Variants in OSBP2 observed in about 807,000 individuals in gnomAD.
The protein encoded by OSBP2 is oxysterol-binding protein 2.
In OSBP2, 66 loss-of-function variants were observed where a neutral mutation model predicts 96.0. The observed-to-expected ratio is 0.69, with a 90% CI of 0.56 to 0.84. OSBP2 has a LOEUF of 0.84. OSBP2 is among the 40% of genes least tolerant of loss of function. The pLI is 0.00. For missense variants in OSBP2, 1,038 were observed against 1,222.7 expected (o/e 0.85, Z 2.25); for synonymous variants, 525 against 520.9 (o/e 1.01, Z -0.11).
chr22:30,749,975 C>G lies in OSBP2; in HGVS notation c.853+8606C>G, dbSNP rs1002662428. On this transcript the variant is annotated intron_variant, in intron 2 of 13. Transcript: ENST00000332585. ...GCAGTGAGACTGATTTCTGCTTGGT[C>G]AAGAACAGAGCACACTAGGAGAGGG... Among the ~76,000 whole-genome samples, 3 of 152,254 alleles carry G rather than the reference C, an allele frequency of 2.0e-5. 1 individual carries two copies. Among genetic ancestry groups the G allele is most frequent in the Admixed American group, 2.0e-4 (3 of 15,286 alleles).
At position 30,814,804 on chromosome 22, in the gene OSBP2, G is replaced by C. The variant is rs529037728; in HGVS notation, c.854-55625G>C. On this transcript the variant is annotated intron_variant, in intron 2 of 13. Coordinates refer to ENST00000332585, the MANE Select transcript of OSBP2 (RefSeq NM_030758.4). ...TTTGGACTTCAACATATGGATTTTG[G>C]GGGGACACATTTCAACCCATTACAG... Among the ~76,000 whole-genome samples, 4 of 152,252 alleles carry C rather than the reference G, an allele frequency of 2.6e-5. No individual in the cohort carries two copies. In the East Asian group the frequency reaches 5.8e-4, roughly 22 times the overall value.
intron 2 of OSBP2, chr22:30,822,840 G>A: frequency 1.4e-6 from 1 of 715,494 alleles, no homozygotes; most frequent in Non-Finnish European, 2.1e-6. Flanking sequence ...TGGGGAGCGC[G>A]GGGAGCCTCG....
chr22:30,708,633 C>T (rs558760954), intron 1 of OSBP2, among the ~76,000 whole-genome samples: 44 of 150,464 alleles, frequency 2.9e-4, no homozygotes, highest in Non-Finnish European at 5.8e-4. Flanking sequence ...GGATTACAGG[C>T]GCCCACCATC....
chr22:30,778,596 T>C (rs748736032), intron 2 of OSBP2, among the ~76,000 whole-genome samples: 2 of 152,076 alleles, frequency 1.3e-5, no homozygotes, highest in African/African-American at 2.4e-5. Flanking sequence ...GAAAATTCTA[T>C]TGGGTAGTGG....
upstream of OSBP2, chr22:30,694,007 G>A: frequency 1.4e-6 from 2 of 1,465,024 alleles, no homozygotes; most frequent in Non-Finnish European, 1.8e-6. Context: ...ATTCGCTGAT[G>A]TTTTAACCAT....
intron 2 of OSBP2, among the ~76,000 whole-genome samples, chr22:30,857,610 C>T (rs1282404689): frequency 2.6e-5 from 4 of 152,226 alleles, no homozygotes; most frequent in Non-Finnish European, 5.9e-5. Context: ...GTAATAATGG[C>T]CAATGCTTGT....
intron 3 of OSBP2, among the ~76,000 whole-genome samples, chr22:30,882,123 A>C (rs1034330417): frequency 6.6e-6 from 1 of 152,136 alleles, no homozygotes; most frequent in East Asian, 1.9e-4. Context: ...TCAGCCAGCA[A>C]CCCTGGCTGT....
At chr22:30,877,062 G>C (rs1445867957) in intron 3 of OSBP2, among the ~76,000 whole-genome samples, 1 of 152,096 alleles carries the variant, frequency 6.6e-6, no homozygotes, top group African/African-American at 2.4e-5. Flanking sequence ...CTTCCTGCAA[G>C]GGCAGGACGC....
chr22:30,859,089 G>A (rs2039152471), intron 2 of OSBP2, among the ~76,000 whole-genome samples: 1 of 151,956 alleles, frequency 6.6e-6, no homozygotes, highest in Admixed American at 6.6e-5. Context: ...AGGGCCCTCT[G>A]TCTCAGCTTG....
intron 2 of OSBP2, among the ~76,000 whole-genome samples, chr22:30,816,057 A>G (rs1321084609): frequency 6.6e-6 from 1 of 152,172 alleles, no homozygotes. Flanking sequence ...CCAGTGTCCC[A>G]TGCCAACAAG....
Position 30,881,917 on chromosome 22 carries a change from TATTAGGGCACAGCA to T in OSBP2, c.1108-5508_1108-5495del, listed in dbSNP as rs2039712061. ...GGGTGCAGCCACATGAGGCCTTTGA[TATTAGGGCACAGCA>T]GTTTTCACCCTGCCCCGCTTTTAGG... is the stretch of plus-strand genomic sequence containing the variant. On this transcript the variant is annotated intron_variant, in intron 3 of 13. Transcript: ENST00000332585. This position sits in a 1 kb window ranked among gnomAD's most constrained non-coding sequence, Gnocchi z 4.5. 1 of 905,814 alleles carries T rather than the reference TATTAGGGCACAGCA, an allele frequency of 1.1e-6. No individual in the cohort carries two copies. Among genetic ancestry groups the T allele is most frequent in the East Asian group, 6.3e-5 (1 of 15,964 alleles). The allele number at this position is 905,814 out of a possible 1,614,324, so 56.1% of individuals were successfully genotyped here. A position where few individuals can be genotyped will look rare whatever the true frequency, so the allele number is the denominator to read the frequency against.
intron 2 of OSBP2, among the ~76,000 whole-genome samples, chr22:30,820,399 A>G (rs561602279): frequency 1.6e-3 from 237 of 151,908 alleles, no homozygotes; most frequent in African/African-American, 5.3e-3. Context: ...TAAAAAAAAA[A>G]TAAAATTTTA....
intron 2 of OSBP2, among the ~76,000 whole-genome samples, chr22:30,816,897 G>T (rs1483018879): frequency 6.6e-6 from 1 of 151,978 alleles, no homozygotes; most frequent in East Asian, 1.9e-4. Context: ...ACCACACCTG[G>T]CTAATTTTTG....
At chr22:30,811,421 C>G (rs1233852984) in intron 2 of OSBP2, among the ~76,000 whole-genome samples, 1 of 151,458 alleles carries the variant, frequency 6.6e-6, no homozygotes, top group Non-Finnish European at 1.5e-5. Flanking sequence ...TCTCAGCTCA[C>G]CACAACCTTT....
At chr22:30,790,808 A>T (rs1421789558) in intron 2 of OSBP2, among the ~76,000 whole-genome samples, 1 of 152,108 alleles carries the variant, frequency 6.6e-6, no homozygotes, top group Non-Finnish European at 1.5e-5. Context: ...CCGTTAAGGG[A>T]TATTCCTTCC....
chr22:30,715,863 T>C (rs1277355754), intron 1 of OSBP2, among the ~76,000 whole-genome samples: 5 of 148,856 alleles, frequency 3.4e-5, no homozygotes, highest in Non-Finnish European at 7.5e-5. Flanking sequence ...AACCTTTTTT[T>C]TTTTTTTTTT....
chr22:30,697,198 T>C (rs925649529), intron 1 of OSBP2, among the ~76,000 whole-genome samples: 3 of 152,262 alleles, frequency 2.0e-5, no homozygotes, highest in Admixed American at 2.0e-4. Context: ...TCTCCCACAG[T>C]GGCAGAAATG....
At chr22:30,897,863 T>C (rs1040746227) in intron 12 of OSBP2, among the ~76,000 whole-genome samples, 3 of 151,290 alleles carry the variant, frequency 2.0e-5, no homozygotes, top group Admixed American at 6.6e-5. Context: ...GGTAAGAGAA[T>C]CGCTTGAACC....
chr22:30,694,861 G>GC, upstream of OSBP2: 2 of 889,038 alleles, frequency 2.2e-6, no homozygotes. Flanking sequence ...CCCCCGGCCT[G>GC]CCCCCCGCCC....
Sources: gnomAD v4.1 joint callset for allele counts (sites outside exome capture counted in the v4.1 genomes callset) on GRCh38, gnomAD v4.1.1 for gene constraint, Gnocchi (gnomAD v3.1) non-coding constraint, MANE v1.5 for transcripts, NCBI Gene and HGNC (gene_info 2026-07-23, HGNC 2026-07-21) for gene names.